The following ITIH4 variants were observed in gnomAD, a reference collection of about 807,000 sequenced individuals.
ITIH4 encodes inter-alpha-trypsin inhibitor heavy chain 4, also known as inter-alpha-trypsin inhibitor heavy chain H4.
A neutral mutation model predicts 111.8 loss-of-function variants in ITIH4; 79 were observed. That is an observed-to-expected ratio of 0.71 (90% CI 0.59 to 0.85). The LOEUF (loss-of-function observed/expected upper bound fraction) is 0.85. Ranked by LOEUF, ITIH4 falls within the 40% of genes least tolerant of loss-of-function variation. ITIH4 has a pLI of 0.00. For missense variants in ITIH4, 1,065 were observed against 1,195.8 expected (o/e 0.89, Z 1.61); for synonymous variants, 472 against 468.3 (o/e 1.01, Z -0.10).
Position 52,829,260 on chromosome 3 carries a change from C to A in ITIH4, c.110G>T (p.Ser37Ile). 2 of 1,611,366 alleles carry A rather than the reference C, an allele frequency of 1.2e-6. No individual in the cohort carries two copies. The highest frequency in any genetic ancestry group is 8.5e-7 in the Non-Finnish European group (1 of 1,177,932). Residue 37 changes from serine (S) to isoleucine (I), a missense_variant, in exon 2 of 24, where the codon AGC (serine) becomes ATC (isoleucine). Ser to Ile is a moderately radical substitution (Grantham distance 142). Transcript: ENST00000266041. Reference protein sequence around the residue: ...TAEKNGIDIYSLTVDSRVSSR... With the variant: ...TAEKNGIDIYILTVDSRVSSR... Reference sequence around the variant, plus strand: ...TGAGACCCTGGAGTCCACGGTGAGGCTGTAGATGTCGATGCCATTCTGGAC... The same window carrying A: ...TGAGACCCTGGAGTCCACGGTGAGGATGTAGATGTCGATGCCATTCTGGAC...
chr3:52,822,402 T>C (rs956148516), intron 11 of ITIH4: 2 of 152,054 alleles, frequency 1.3e-5, no homozygotes, highest in African/African-American at 2.4e-5. Flanking sequence ...AGAATACACA[T>C]TAAAATAAGT....
At chr3:52,829,539 G>T (rs1481849534) in intron 1 of ITIH4, among the ~76,000 whole-genome samples, 1 of 152,230 alleles carries the variant, frequency 6.6e-6, no homozygotes, top group Non-Finnish European at 1.5e-5. Context: ...TTGATCTATA[G>T]GGGCCCAGAG....
chr3:52,823,940 G>A lies in ITIH4; in HGVS notation c.1236C>T (p.Leu412=), dbSNP rs1408494837. ...CGTCGAAACCGAAGCCCAGGCAGAAGAGGCTGTACCGGCCACTTACAGCTT... is the reference window on the plus strand; with the variant it reads ...CGTCGAAACCGAAGCCCAGGCAGAAAAGGCTGTACCGGCCACTTACAGCTT... ...VREAVSGRYS[L]FCLGFGFDVS... Residue 412 remains leucine, a synonymous_variant, in exon 10 of 24, where the codon CTC becomes CTT. Transcript: ENST00000266041. 3.1e-6 allele frequency: 5 copies of A among 1,604,436 alleles called. No individual in the cohort carries two copies.
At chr3:52,825,665 C>T (rs1261635262) in intron 6 of ITIH4, among the ~76,000 whole-genome samples, 1 of 152,184 alleles carries the variant, frequency 6.6e-6, no homozygotes, top group African/African-American at 2.4e-5. Flanking sequence ...AAGAGGGAAA[C>T]CCCACAGGGC....
chr3:52,825,064 C>A, intron 6 of ITIH4, 106 bp from the exon 7 acceptor site: 1 of 693,882 alleles, frequency 1.4e-6, no homozygotes, highest in Non-Finnish European at 2.4e-6. Context: ...TGTTCCAATC[C>A]CATTTCCATC....
chr3:52,828,965 G>T (rs770671163), intron 2 of ITIH4, among the ~76,000 whole-genome samples, 154 bp downstream of exon 2: 1 of 152,138 alleles, frequency 6.6e-6, no homozygotes, highest in Non-Finnish European at 1.5e-5. Flanking sequence ...CCTTTGGCAA[G>T]CCCCTGTTCC....
At chr3:52,817,749 T>C (rs1169936595) in intron 20 of ITIH4, among the ~76,000 whole-genome samples, 2 of 152,246 alleles carry the variant, frequency 1.3e-5, no homozygotes, top group Non-Finnish European at 2.9e-5. Context: ...GCCATCCCTG[T>C]GTGACCCCAG....
rs1023513762 is a variant in ITIH4, at chr3:52,818,793, G to A, written c.2078-257C>T. 4.2e-5 allele frequency: 22 copies of A among 525,242 alleles called. 1 individual carries two copies. Among genetic ancestry groups the A allele is most frequent in the African/African-American group, 1.5e-4 (8 of 52,144 alleles). 32.5% of individuals were successfully genotyped at this position (525,242 alleles called of 1,614,324 possible). On this transcript the variant is annotated intron_variant, in intron 17 of 23. Coordinates refer to ENST00000266041, the MANE Select transcript of ITIH4 (RefSeq NM_002218.5). ...AGGGACCTCTGTTGGCTTTCTGAAC[G>A]GAGGAAGCCCTCCCTTCCTAGAAGG...
chr3:52,817,593 C>CAGA lies in ITIH4; in HGVS notation c.2296+458_2296+459insTCT, dbSNP rs1171524831. Among the ~76,000 whole-genome samples the CAGA allele has an allele frequency of 3.4e-3, 522 of 152,290 alleles. 4 individuals carry two copies. The highest frequency in any genetic ancestry group is 6.1e-3 in the Non-Finnish European group (412 of 68,018). The stretch of plus-strand genomic sequence containing the variant: ...TGGTCCAGGATTGAAGGGGCAGGGC[C>CAGA]CAGCCAGCACCCCTGTCTCTTCCTG... On this transcript the variant is annotated intron_variant, in intron 20 of 23. Transcript: ENST00000266041.
intron 17 of ITIH4, chr3:52,818,842 A>G (rs1456833179): frequency 6.9e-6 from 3 of 437,316 alleles, no homozygotes; most frequent in African/African-American, 6.0e-5. Flanking sequence ...CAGCCTCTAG[A>G]GTATAGTGGA....
At position 52,826,811 on chromosome 3, in the gene ITIH4, G is replaced by A. The variant is rs1424604388; in HGVS notation, c.499C>T (p.Gln167Ter). ...GGTACCTGCAGGTGCTTGACCAGCT[G>A]CTGGGGCCGCACTTTCAGCAGCAGC... ...YELLLKVRPQ[Q>*]LVKHLQMDIH... The change falls in exon 4 of 24, where the codon CAG (glutamine) becomes TAG (stop). Residue 167 changes from glutamine (Q) to a stop codon, truncating the protein, a stop_gained. Transcript: ENST00000266041. LOFTEE classifies it high-confidence loss of function. 1 of 1,613,784 alleles carries A rather than the reference G, an allele frequency of 6.2e-7. No homozygotes were observed. The highest frequency in any genetic ancestry group is 1.7e-5 in the Admixed American group (1 of 60,028).
Position 52,829,237 on chromosome 3 carries a change from A to G in ITIH4, c.133T>C (p.Ser45Pro), listed in dbSNP as rs1316818073. 4 of 1,613,174 alleles carry G rather than the reference A, an allele frequency of 2.5e-6. No individual in the cohort carries two copies. Among genetic ancestry groups the G allele is most frequent in the Non-Finnish European group, 3.4e-6 (4 of 1,179,214 alleles). ...ACGACCGTGTGGGCAAATCGGGATG[A>G]GACCCTGGAGTCCACGGTGAGGCTG... ...IYSLTVDSRV[S>P]SRFAHTVVTS... Residue 45 changes from serine to proline, a missense_variant, in exon 2 of 24, where the codon TCA becomes CCA. By Grantham distance (74) the Ser-to-Pro change is moderately conservative. Coordinates refer to ENST00000266041, the MANE Select transcript of ITIH4 (RefSeq NM_002218.5).
chr3:52,815,789 T>C (rs1419292762), intron 21 of ITIH4, among the ~76,000 whole-genome samples: 2 of 151,916 alleles, frequency 1.3e-5, no homozygotes, highest in South Asian at 4.2e-4. Context: ...ATCTCCCAGC[T>C]TCAAGCAATT....
At position 52,819,380 on chromosome 3, in the gene ITIH4, G is replaced by C; in HGVS notation, c.2077+13C>G. 6.2e-7 allele frequency: 1 copy of C among 1,613,886 alleles called. No individual in the cohort carries two copies. Among genetic ancestry groups the C allele is most frequent in the Non-Finnish European group, 8.5e-7 (1 of 1,179,808 alleles). ...GGAAACCGAGGCCCTCGCAGGGCCG[G>C]AAGGCAGCTTACAGATGGCCAGACG... is the stretch of plus-strand genomic sequence containing the variant. On this transcript the variant is annotated intron_variant, in intron 17 of 23. Coordinates refer to ENST00000266041, the MANE Select transcript of ITIH4 (RefSeq NM_002218.5).
At chr3:52,821,380 G>A (rs184636374) in intron 11 of ITIH4, among the ~76,000 whole-genome samples, 9 of 152,280 alleles carry the variant, frequency 5.9e-5, no homozygotes, top group Admixed American at 2.0e-4. Flanking sequence ...CAGGCACAGC[G>A]CCAGGACTCA....
In ITIH4 at chr3:52,826,838, C is replaced by G. The variant is rs148337590; in HGVS notation, c.472G>C (p.Glu158Gln). ...TGGGGCCGCACTTTCAGCAGCAGCT[C>G]GTACACCCCCAAACGCCGCTTGAGC... ...ELLKRRLGVYELLLKVRPQQL... is the reference protein window; with the variant it reads ...ELLKRRLGVYQLLLKVRPQQL... Residue 158 changes from glutamate (E) to glutamine (Q), a missense_variant, in exon 4 of 24, where the codon GAG becomes CAG. By Grantham distance (29) the Glu-to-Gln change is conservative (BLOSUM62 2). Transcript: ENST00000266041. 7 of 1,613,908 alleles carry G rather than the reference C, an allele frequency of 4.3e-6. No individual in the cohort carries two copies. The South Asian group carries it at 7.7e-5, about 18-fold the overall frequency.
At chr3:52,819,705 TC>T (rs367793973) in intron 16 of ITIH4, 48 bp downstream of exon 16, 5 of 1,598,410 alleles carry the variant, frequency 3.1e-6, no homozygotes, top group Admixed American at 1.7e-5. Flanking sequence ...TCCCTCAAGC[TC>T]CCCCCCAGGG....
At chr3:52,823,371 CTGTATGTGCTGGTCTCAT>C in intron 11 of ITIH4, 167 bp downstream of exon 11, 1 of 599,952 alleles carries the variant, frequency 1.7e-6, no homozygotes, top group South Asian at 2.0e-5. Context: ...TGCCGAGAGC[CTGTATGTGCTGGTCTCAT>C]GAGAATCACT....
chr3:52,828,051 G>A (rs1012973805), intron 2 of ITIH4, among the ~76,000 whole-genome samples: 3 of 152,182 alleles, frequency 2.0e-5, no homozygotes, highest in Non-Finnish European at 4.4e-5. Flanking sequence ...GCTGGTGAGT[G>A]GGCAGTGGCA....
Sources: allele counts gnomAD v4.1 joint callset (sites outside exome capture counted in the v4.1 genomes callset), GRCh38; gene constraint gnomAD v4.1.1; transcripts MANE v1.5; gene names NCBI Gene and HGNC (gene_info 2026-07-23, HGNC 2026-07-21).